The following ERG variants were observed in gnomAD, a reference collection of about 807,000 sequenced individuals.
ERG encodes the protein transcriptional regulator ERG.
Under a neutral mutation model 55.3 loss-of-function variants are expected in ERG, and 9 were observed. The ratio of observed to expected loss-of-function variants is 0.16; its 90% confidence interval spans 0.10 to 0.28. ERG has a LOEUF of 0.28. Ranked by LOEUF, ERG falls within the 10% of genes least tolerant of loss-of-function variation. The pLI is 1.00. For synonymous variants in ERG, 223 were observed against 237.3 expected (o/e 0.94, Z 0.55); for missense variants, 434 against 631.6 (o/e 0.69, Z 3.35).
intron 1 of ERG, among the ~76,000 whole-genome samples, chr21:38,584,220 C>G (rs1265450924): frequency 6.6e-6 from 1 of 152,220 alleles, no homozygotes; most frequent in Non-Finnish European, 1.5e-5. Flanking sequence ...CCCCCATAAC[C>G]TTGATCCCTG....
At chr21:38,482,745 T>A (rs1049325834) in intron 1 of ERG, among the ~76,000 whole-genome samples, 5 of 151,966 alleles carry the variant, frequency 3.3e-5, no homozygotes, top group African/African-American at 1.2e-4. Context: ...TGGCATGATC[T>A]CGACTGACTG....
At chr21:38,502,226 G>A (rs1365452349), upstream of ERG, among the ~76,000 whole-genome samples, 1 of 152,218 alleles carries the variant, frequency 6.6e-6, no homozygotes, top group East Asian at 1.9e-4. Flanking sequence ...AACATTGCAG[G>A]AAAATGATGT....
At chr21:38,513,129 C>CA (rs113718302) in intron 2 of ERG, among the ~76,000 whole-genome samples, 66,672 of 136,860 alleles carry the variant, frequency 0.49, 15,015 homozygotes, top group Middle Eastern at 0.55. Context: ...GACTCCGTCT[C>CA]AAAAAAAAAA....
chr21:38,404,411 C>T (rs764533436), intron 3 of ERG, among the ~76,000 whole-genome samples: 5 of 152,114 alleles, frequency 3.3e-5, no homozygotes, highest in African/African-American at 4.8e-5. Flanking sequence ...AAACACCCCA[C>T]AGGATGCAGG....
At chr21:38,615,229 T>C (rs1422939373) in intron 1 of ERG, among the ~76,000 whole-genome samples, 1 of 152,206 alleles carries the variant, frequency 6.6e-6, no homozygotes, top group East Asian at 1.9e-4. Context: ...AAACTGGCAA[T>C]ACCAGTGCTG....
downstream of ERG, among the ~76,000 whole-genome samples, chr21:38,379,471 A>C (rs557161379): frequency 3.9e-5 from 6 of 152,304 alleles, no homozygotes; most frequent in South Asian, 1.2e-3. Flanking sequence ...TTTAGGAAAC[A>C]TGCCATGTGG....
chr21:38,560,705 C>T (rs897024708), intron 2 of ERG, among the ~76,000 whole-genome samples: 3 of 152,190 alleles, frequency 2.0e-5, no homozygotes, highest in Non-Finnish European at 4.4e-5. Context: ...CAAGCCCCTA[C>T]ATGAAGACTC....
upstream of ERG, among the ~76,000 whole-genome samples, chr21:38,499,894 A>C (rs1055960524): frequency 5.9e-5 from 9 of 151,976 alleles, no homozygotes; most frequent in African/African-American, 2.2e-4. Context: ...AAGAAGGAAA[A>C]GAAAAGAAAG....
Position 38,439,119 on chromosome 21 carries a change from C to T in ERG, c.236+6285G>A, listed in dbSNP as rs371389259. Among the ~76,000 whole-genome samples the T allele has an allele frequency of 6.0e-4, 92 of 152,278 alleles. 1 individual carries two copies. Among genetic ancestry groups the T allele is most frequent in the African/African-American group, 1.9e-3 (81 of 41,558 alleles). On this transcript the variant is annotated intron_variant, in intron 2 of 9. Coordinates refer to ENST00000288319, the MANE Select transcript of ERG (RefSeq NM_182918.4). Reference sequence around the variant, plus strand: ...GCATGGCACATAAATTGACTGAGTTCCACCTGCAGTGAGCCTCCAGGTGGG... The same window carrying T: ...GCATGGCACATAAATTGACTGAGTTTCACCTGCAGTGAGCCTCCAGGTGGG...
intron 2 of ERG, among the ~76,000 whole-genome samples, chr21:38,525,593 C>T (rs949632873): frequency 1.3e-5 from 2 of 152,200 alleles, no homozygotes; most frequent in Non-Finnish European, 2.9e-5. Flanking sequence ...TTCTCTACCT[C>T]ATCCCCCACC....
chr21:38,546,416 C>T (rs987514334), intron 2 of ERG, among the ~76,000 whole-genome samples: 5 of 152,116 alleles, frequency 3.3e-5, no homozygotes, highest in Non-Finnish European at 2.9e-5. Flanking sequence ...CCTTCTTGTG[C>T]GGGTGTATGC....
intron 2 of ERG, among the ~76,000 whole-genome samples, chr21:38,557,056 G>A (rs1003685722): frequency 3.9e-5 from 6 of 152,068 alleles, no homozygotes; most frequent in African/African-American, 4.8e-5. Flanking sequence ...CACCTCCACC[G>A]TGTTTTGTGG....
intron 2 of ERG, among the ~76,000 whole-genome samples, chr21:38,517,880 C>A (rs992344855): frequency 1.3e-5 from 2 of 152,100 alleles, no homozygotes; most frequent in Admixed American, 6.6e-5. Context: ...CACATGTTCT[C>A]ACTCCTATGT....
intron 1 of ERG, among the ~76,000 whole-genome samples, chr21:38,618,899 A>G (rs2060274180): frequency 6.6e-6 from 1 of 152,230 alleles, no homozygotes; most frequent in Non-Finnish European, 1.5e-5. Context: ...TAGGAAAACT[A>G]AGCGTTAAAG....
chr21:38,607,245 G>T (rs1330986372), intron 1 of ERG, among the ~76,000 whole-genome samples: 1 of 152,132 alleles, frequency 6.6e-6, no homozygotes, highest in South Asian at 2.1e-4. Flanking sequence ...AAGACCAAAA[G>T]ATTTTACTAC....
rs1010823651 is a variant in ERG, at chr21:38,391,110, A to T, written c.872-68T>A. On this transcript the variant is annotated intron_variant, in intron 8 of 9. Coordinates refer to ENST00000288319, the MANE Select transcript of ERG (RefSeq NM_182918.4). ...AACATAGTATGATGTGACTTCAGACATAATGCCTGACTTAATTGTTTTTTC... is the reference window on the plus strand; with the variant it reads ...AACATAGTATGATGTGACTTCAGACTTAATGCCTGACTTAATTGTTTTTTC... 9 of 1,292,916 alleles carry T rather than the reference A, an allele frequency of 7.0e-6. No individual in the cohort carries two copies. In the Admixed American group the frequency reaches 1.7e-4, roughly 24 times the overall value. 80.1% of individuals were successfully genotyped at this position (1,292,916 alleles called of 1,614,324 possible). A position where few individuals can be genotyped will look rare whatever the true frequency, so the allele number is the denominator to read the frequency against.
In ERG at chr21:38,382,511, C is replaced by T; in HGVS notation, c.*892G>A. ...TTTTGTTTCTGAATTCTACTACTTC[C>T]CCTTTCTCCATTACGCTGTGTCCTT... On this transcript the variant is annotated 3_prime_UTR_variant, in exon 10 of 10. Transcript: ENST00000288319. 1.9e-6 allele frequency: 2 copies of T among 1,065,272 alleles called. No homozygotes were observed. Among genetic ancestry groups the T allele is most frequent in the Non-Finnish European group, 1.1e-6 (1 of 878,954 alleles). 66.0% of individuals were successfully genotyped at this position (1,065,272 alleles called of 1,614,324 possible).
chr21:38,525,954 T>TA (rs762458869), intron 2 of ERG, among the ~76,000 whole-genome samples: 41 of 152,202 alleles, frequency 2.7e-4, no homozygotes, highest in African/African-American at 8.4e-4. Context: ...AGAATCCGTT[T>TA]AAAAAAAATA....
In ERG at chr21:38,384,158, A is replaced by G. The variant is rs1217262071; in HGVS notation, c.920-235T>C. 9.8e-5 allele frequency among the ~76,000 whole-genome samples: 15 copies of G among 152,298 alleles called. No individual in the cohort carries two copies. In the East Asian group the frequency reaches 2.9e-3, roughly 29 times the overall value. ...GCCGCCGCCTCGCCCACCCCCAGGT[A>G]TCCCACAGCTGGGTGGACTGAACGG... is the stretch of plus-strand genomic sequence containing the variant. On this transcript the variant is annotated intron_variant, in intron 9 of 9. Coordinates refer to ENST00000288319, the MANE Select transcript of ERG (RefSeq NM_182918.4).
Sources: allele counts gnomAD v4.1 joint callset (sites outside exome capture counted in the v4.1 genomes callset), GRCh38; gene constraint gnomAD v4.1.1; transcripts MANE v1.5; gene names NCBI Gene and HGNC (gene_info 2026-07-23, HGNC 2026-07-21).